Variants in BIRC6 observed in about 807,000 individuals in gnomAD.
BIRC6 encodes the protein dual E2 ubiquitin-conjugating enzyme/E3 ubiquitin-protein ligase BIRC6.
A neutral mutation model predicts 503.3 loss-of-function variants in BIRC6; 98 were observed. The observed-to-expected ratio is 0.19, with a 90% CI of 0.17 to 0.23. BIRC6 has a LOEUF of 0.23. Among genes scored for constraint, BIRC6 ranks in the 10% least tolerant of loss-of-function variants. BIRC6 has a pLI of 1.00. For missense variants in BIRC6, 5,360 were observed against 5,806.0 expected (o/e 0.92, Z 2.50); for synonymous variants, 2,240 against 2,078.7 (o/e 1.08, Z -2.11).
intron 61 of BIRC6, chr2:32,532,318 CCATG>C: frequency 2.2e-6 from 1 of 460,388 alleles, no homozygotes; most frequent in Non-Finnish European, 4.4e-6. Flanking sequence ...ATCAGCAGGG[CCATG>C]CTCCCTCTGA....
intron 23 of BIRC6, among the ~76,000 whole-genome samples, chr2:32,462,171 T>A (rs904704384): frequency 2.6e-5 from 4 of 152,084 alleles, no homozygotes; most frequent in Non-Finnish European, 4.4e-5. Flanking sequence ...TATTTGCTAT[T>A]CTTATAGCAG....
intron 1 of BIRC6, among the ~76,000 whole-genome samples, chr2:32,361,223 C>T (rs189866088): frequency 6.6e-6 from 1 of 152,288 alleles, no homozygotes; most frequent in Admixed American, 6.5e-5. Flanking sequence ...GTTTGGGCCA[C>T]CGCGCCCAGC....
At chr2:32,609,046 A>AT (rs201128071) in intron 72 of BIRC6, among the ~76,000 whole-genome samples, 6 of 150,358 alleles carry the variant, frequency 4.0e-5, no homozygotes, top group Admixed American at 3.3e-4. Context: ...CAACTGGCTA[A>AT]TTTTTTTTGT....
At chr2:32,401,056 A>G (rs1300314045) in intron 6 of BIRC6, 107 bp from the exon 7 acceptor site, 4 of 904,008 alleles carry the variant, frequency 4.4e-6, no homozygotes, top group Non-Finnish European at 6.8e-6. Flanking sequence ...AATGATGAAT[A>G]CTTTAAGTTC....
At chr2:32,506,877 C>T (rs77113850) in intron 50 of BIRC6, among the ~76,000 whole-genome samples, 1 of 151,996 alleles carries the variant, frequency 6.6e-6, no homozygotes, top group African/African-American at 2.4e-5. Context: ...ATAATACTTT[C>T]CTCAAAAGGT....
chr2:32,445,399 T>G, intron 20 of BIRC6, 122 bp from the exon 21 acceptor site: 1 of 1,007,638 alleles, frequency 9.9e-7, no homozygotes, highest in East Asian at 2.8e-5. Flanking sequence ...AGATTGTCTT[T>G]CCAGAAAAGG....
chr2:32,586,250 T>TAA (rs776879877), intron 66 of BIRC6, among the ~76,000 whole-genome samples: 229 of 144,770 alleles, frequency 1.6e-3, no homozygotes, highest in African/African-American at 5.0e-3. Context: ...TTAAGTGATT[T>TAA]AAAAAAAAAA....
intron 57 of BIRC6, among the ~76,000 whole-genome samples, chr2:32,520,184 AAG>A (rs2055498557): frequency 6.6e-6 from 1 of 152,212 alleles, no homozygotes; most frequent in Non-Finnish European, 1.5e-5. Flanking sequence ...CCCAGAGTAA[AAG>A]AGAGAGTTAA....
At chr2:32,492,336 G>A (rs574403015) in intron 44 of BIRC6, among the ~76,000 whole-genome samples, 11 of 152,084 alleles carry the variant, frequency 7.2e-5, no homozygotes, top group African/African-American at 2.6e-4. Flanking sequence ...CCTTCATAGA[G>A]CTTTAGTTAA....
At chr2:32,494,354 A>G (rs1033429660) in intron 45 of BIRC6, among the ~76,000 whole-genome samples, 3 of 151,392 alleles carry the variant, frequency 2.0e-5, no homozygotes, top group Non-Finnish European at 4.4e-5. Flanking sequence ...CAGCCTCCCC[A>G]GTAGCTGGGA....
intron 3 of BIRC6, among the ~76,000 whole-genome samples, chr2:32,383,652 C>T (rs922732770): frequency 3.3e-5 from 5 of 152,150 alleles, no homozygotes; most frequent in Non-Finnish European, 7.4e-5. Flanking sequence ...CTGCCTCAGT[C>T]TCCCCAGTAG....
chr2:32,470,208 A>G lies in BIRC6; in HGVS notation c.6388A>G (p.Ser2130Gly). ...LLSCIGQRSL[S>G]NSGVLESLLN... ...TTCCTGCATTGGTCAAAGATCACTTAGTAATAGTGGAGTATTAGAAAGCTT... is the reference window on the plus strand; with the variant it reads ...TTCCTGCATTGGTCAAAGATCACTTGGTAATAGTGGAGTATTAGAAAGCTT... The change falls in exon 31 of 74, where the codon AGT becomes GGT. Residue 2130 changes from serine (S) to glycine (G), a missense_variant. By Grantham distance (56) the Ser-to-Gly change is moderately conservative (BLOSUM62 0). Coordinates refer to ENST00000421745, the MANE Select transcript of BIRC6 (RefSeq NM_016252.4). 6.4e-7 allele frequency: 1 copy of G among 1,571,344 alleles called. No homozygotes were observed. Among genetic ancestry groups the G allele is most frequent in the Non-Finnish European group, 8.6e-7 (1 of 1,156,876 alleles).
chr2:32,433,640 A>G lies in BIRC6; in HGVS notation c.3249-4A>G. ...TATTTAGCATTTTTCCCCTTATTTG[A>G]CAGCAACAGCTGGGATGAACATGTA... On this transcript the variant is annotated splice_region_variant and splice_polypyrimidine_tract_variant and intron_variant, in intron 12 of 73. Coordinates refer to ENST00000421745, the MANE Select transcript of BIRC6 (RefSeq NM_016252.4). 6.5e-7 allele frequency: 1 copy of G among 1,535,272 alleles called. No homozygotes were observed. The highest frequency in any genetic ancestry group is 8.9e-7 in the Non-Finnish European group (1 of 1,125,516).
chr2:32,468,906 T>C (rs1230526856), intron 29 of BIRC6, 123 bp downstream of exon 29: 39 of 709,706 alleles, frequency 5.5e-5, no homozygotes, highest in Non-Finnish European at 4.5e-5. Flanking sequence ...AATGTCAGTA[T>C]TTATGAAATG....
intron 25 of BIRC6, 82 bp downstream of exon 25, chr2:32,464,905 T>G: frequency 6.7e-7 from 1 of 1,489,306 alleles, no homozygotes; most frequent in Non-Finnish European, 9.0e-7. Flanking sequence ...GGCAAAATTT[T>G]TAATACCAAC....
chr2:32,608,818 G>T (rs116489530), intron 72 of BIRC6, among the ~76,000 whole-genome samples: 3,931 of 152,182 alleles, frequency 0.026, 72 homozygotes, highest in African/African-American at 0.062. Context: ...GGTTTCTAAA[G>T]TTGTCTTGCA....
intron 8 of BIRC6, among the ~76,000 whole-genome samples, chr2:32,403,983 A>T (rs2040893046): frequency 1.3e-5 from 2 of 148,840 alleles, no homozygotes; most frequent in African/African-American, 5.0e-5. Context: ...GTTAGAGTGC[A>T]GTGGCGCAAT....
Position 32,545,844 on chromosome 2 carries a change from G to C in BIRC6, c.12794G>C (p.Ser4265Thr), listed in dbSNP as rs771941588. 1.2e-6 allele frequency: 2 copies of C among 1,613,202 alleles called. No individual in the cohort carries two copies. Among genetic ancestry groups the C allele is most frequent in the South Asian group, 2.2e-5 (2 of 91,060 alleles). ...SHHSPRVPNS[S>T]VNQTEPQVSS... Reference sequence around the variant, plus strand: ...CATTCCCCACGAGTTCCAAACTCTAGCGTGAATCAAACTGAGGTAGGTTCA... The same window carrying C: ...CATTCCCCACGAGTTCCAAACTCTACCGTGAATCAAACTGAGGTAGGTTCA... The change falls in exon 63 of 74, where the codon AGC becomes ACC. Residue 4265 changes from serine to threonine, a missense_variant. This residue lies in a region of BIRC6 where 477 missense variants were observed against 574.4 expected (regional missense o/e 0.83). Transcript: ENST00000421745.
chr2:32,395,854 T>C (rs901045155), intron 6 of BIRC6, among the ~76,000 whole-genome samples: 1 of 152,154 alleles, frequency 6.6e-6, no homozygotes, highest in Non-Finnish European at 1.5e-5. Context: ...CGGAAAGCTA[T>C]GGTAAAGTGA....
Sources: allele counts gnomAD v4.1 joint callset (sites outside exome capture counted in the v4.1 genomes callset), GRCh38; gene constraint gnomAD v4.1.1; regional missense constraint gnomAD v4.1.1; transcripts MANE v1.5; gene names NCBI Gene and HGNC (gene_info 2026-07-23, HGNC 2026-07-21).